The following LMX1B variants were observed in gnomAD, a reference collection of about 807,000 sequenced individuals.
LMX1B encodes LIM homeobox transcription factor 1 beta.
In LMX1B, 12 loss-of-function variants were observed where a neutral mutation model predicts 51.4. That is an observed-to-expected ratio of 0.23 (90% CI 0.15 to 0.38). The LOEUF (loss-of-function observed/expected upper bound fraction) is 0.38, where lower values mean the gene tolerates loss of function less well. Ranked by LOEUF, LMX1B falls within the 10% of genes least tolerant of loss-of-function variation. LMX1B has a pLI of 1.00. For synonymous variants in LMX1B, 237 were observed against 235.4 expected (o/e 1.01, Z -0.06); for missense variants, 445 against 571.1 (o/e 0.78, Z 2.25).
chr9:126,676,509 C>T (rs1185084015), intron 2 of LMX1B, among the ~76,000 whole-genome samples: 1 of 152,202 alleles, frequency 6.6e-6, no homozygotes, highest in Non-Finnish European at 1.5e-5. Flanking sequence ...GGGCTTGGGA[C>T]GTGCCCACCT....
chr9:126,644,506 G>A (rs779625521), intron 2 of LMX1B, among the ~76,000 whole-genome samples: 2 of 152,132 alleles, frequency 1.3e-5, no homozygotes, highest in Non-Finnish European at 2.9e-5. Flanking sequence ...GCAGCCTTAG[G>A]ACAGTTATCT....
intron 1 of LMX1B, among the ~76,000 whole-genome samples, chr9:126,614,956 C>T (rs2235056): frequency 0.1 from 15,702 of 152,108 alleles, 1,357 homozygotes; most frequent in East Asian, 0.44. Context: ...AAAAACGTCT[C>T]CCTGGTCACT....
chr9:126,621,548 G>A (rs958248941), intron 2 of LMX1B, among the ~76,000 whole-genome samples: 16 of 152,094 alleles, frequency 1.1e-4, no homozygotes, highest in African/African-American at 2.9e-4. Context: ...TTCATCGACC[G>A]GCTGGTGTTC....
In LMX1B at chr9:126,671,039, C is replaced by T. The variant is rs1836439852; in HGVS notation, c.327-19797C>T. ...GGGGAGTGCAGGACAGATACACAGC[C>T]AGGGGCCATGCCAGGTGGCAGAGAA... On this transcript the variant is annotated intron_variant, in intron 2 of 7. Transcript: ENST00000373474. This position sits in a 1 kb window ranked among gnomAD's most constrained non-coding sequence, Gnocchi z 4.4. Among the ~76,000 whole-genome samples, 1 of 152,138 alleles carries T rather than the reference C, an allele frequency of 6.6e-6. No homozygotes were observed. Among genetic ancestry groups the T allele is most frequent in the South Asian group, 2.1e-4 (1 of 4,822 alleles).
rs1215503048 is a variant in LMX1B, at chr9:126,644,672, C to T, written c.326+29103C>T. Among the ~76,000 whole-genome samples, 6 of 151,884 alleles carry T rather than the reference C, an allele frequency of 4.0e-5. No homozygotes were observed. In the East Asian group the frequency reaches 5.8e-4, roughly 15 times the overall value. On this transcript the variant is annotated intron_variant, in intron 2 of 7. Transcript: ENST00000373474. Reference sequence around the variant, plus strand: ...TAATGGCTTTGCCCTCTGGCTCAGCCGAGTGAGAACTCTACTTTGCCACTT... The same window carrying T: ...TAATGGCTTTGCCCTCTGGCTCAGCTGAGTGAGAACTCTACTTTGCCACTT...
rs931476380 is a variant in LMX1B at position 126,673,859 on chromosome 9, G to A, written c.327-16977G>A. Among the ~76,000 whole-genome samples, 5 of 152,194 alleles carry A rather than the reference G, an allele frequency of 3.3e-5. No homozygotes were observed. The highest frequency in any genetic ancestry group is 7.2e-5 in the African/African-American group (3 of 41,446). Reference sequence around the variant, plus strand: ...CCTGCCAGTGTGTGTGTGAGTGTGCGCCTGTGGCAGCAGCAGAGTAAACAG... The same window carrying A: ...CCTGCCAGTGTGTGTGTGAGTGTGCACCTGTGGCAGCAGCAGAGTAAACAG... On this transcript the variant is annotated intron_variant, in intron 2 of 7. Transcript: ENST00000373474. The surrounding 1 kb of genome is among the most constrained non-coding windows in gnomAD (Gnocchi z 4.4).
At chr9:126,649,393 C>T (rs1468669302) in intron 2 of LMX1B, among the ~76,000 whole-genome samples, 1 of 152,218 alleles carries the variant, frequency 6.6e-6, no homozygotes, top group African/African-American at 2.4e-5. Context: ...TGCTTTTCCT[C>T]CCTGCGTCCT....
chr9:126,645,263 C>G (rs955832784), intron 2 of LMX1B, among the ~76,000 whole-genome samples: 1 of 151,870 alleles, frequency 6.6e-6, no homozygotes, highest in African/African-American at 2.4e-5. Context: ...CTGGCAGACC[C>G]GTTCACTGGC....
chr9:126,623,196 A>AT (rs1259040622), intron 2 of LMX1B, among the ~76,000 whole-genome samples: 6 of 151,414 alleles, frequency 4.0e-5, no homozygotes, highest in Admixed American at 6.6e-5. Flanking sequence ...TTTTATTTTT[A>AT]TTTTTTTTCC....
chr9:126,627,206 C>CAGGG, intron 2 of LMX1B, among the ~76,000 whole-genome samples: 1 of 152,116 alleles, frequency 6.6e-6, no homozygotes, highest in African/African-American at 2.4e-5. Context: ...CTCCCCGTGG[C>CAGGG]CGGGTTACCC....
Position 126,700,195 on chromosome 9 carries a change from C to T in LMX1B, c.*3744C>T, listed in dbSNP as rs2030492611. ...GGAGGCCACACAGAGACACTGCTCA[C>T]AAGAGTCAGACCAAGGTGCCAGCAC... is the stretch of plus-strand genomic sequence containing the variant. On this transcript the variant is annotated 3_prime_UTR_variant, in exon 8 of 8. Transcript: ENST00000373474. 6.6e-6 allele frequency: 1 copy of T among 152,272 alleles called. No homozygotes were observed. The highest frequency in any genetic ancestry group is 1.5e-5 in the Non-Finnish European group (1 of 68,130). The allele number at this position is 152,272 out of a possible 1,614,324, so 9.4% of individuals were successfully genotyped here. A position where few individuals can be genotyped will look rare whatever the true frequency, so the allele number is the denominator to read the frequency against.
At chr9:126,691,176 C>A in intron 3 of LMX1B, 108 bp downstream of exon 3, 2 of 771,992 alleles carry the variant, frequency 2.6e-6, no homozygotes, top group Non-Finnish European at 4.3e-6. Context: ...AGGACCTGAG[C>A]TGCACACAGA....
chr9:126,650,172 G>A (rs1011629524), intron 2 of LMX1B, among the ~76,000 whole-genome samples: 2 of 152,194 alleles, frequency 1.3e-5, no homozygotes, highest in African/African-American at 4.8e-5. Flanking sequence ...TGAGCCCACT[G>A]AGGAGGGCTG....
rs1835352993 is a variant in LMX1B at position 126,618,839 on chromosome 9, G to C, written c.326+3270G>C. ...GAGTCCAAAAATCTGTCACAAAATG[G>C]AGTCTAATCGCTTGTAAGACAGCTC... On this transcript the variant is annotated intron_variant, in intron 2 of 7. Transcript: ENST00000373474. This position sits in a 1 kb window ranked among gnomAD's most constrained non-coding sequence, Gnocchi z 4.5. 6.6e-6 allele frequency among the ~76,000 whole-genome samples: 1 copy of C among 152,118 alleles called. No individual in the cohort carries two copies. The highest frequency in any genetic ancestry group is 1.5e-5 in the Non-Finnish European group (1 of 68,010).
At chr9:126,622,155 T>C (rs1167001886) in intron 2 of LMX1B, among the ~76,000 whole-genome samples, 2 of 152,114 alleles carry the variant, frequency 1.3e-5, no homozygotes, top group African/African-American at 4.8e-5. Flanking sequence ...TTGTCTCAAT[T>C]GGGAGCTTGG....
chr9:126,650,133 C>T (rs1003572846), intron 2 of LMX1B, among the ~76,000 whole-genome samples: 2 of 152,190 alleles, frequency 1.3e-5, no homozygotes, highest in Non-Finnish European at 2.9e-5. Flanking sequence ...AGCCTTTTGT[C>T]TCTGTTTGTC....
chr9:126,649,994 C>T lies in LMX1B; in HGVS notation c.326+34425C>T, dbSNP rs1040623511. Among the ~76,000 whole-genome samples, 5 of 152,302 alleles carry T rather than the reference C, an allele frequency of 3.3e-5. No individual in the cohort carries two copies. In the South Asian group the frequency reaches 6.2e-4, roughly 19 times the overall value. ...CAAACATCAGTTCCATCCCTGCTTG[C>T]GAAGCTTGGCACCTGCTGTGCCTGC... On this transcript the variant is annotated intron_variant, in intron 2 of 7. Transcript: ENST00000373474.
intron 2 of LMX1B, among the ~76,000 whole-genome samples, chr9:126,659,824 A>G (rs1477951263): frequency 6.9e-6 from 1 of 145,342 alleles, no homozygotes; most frequent in African/African-American, 2.6e-5. Context: ...GTGTCTACAC[A>G]GGCCTTGGAG....
Position 126,626,590 on chromosome 9 carries a change from T to G in LMX1B, c.326+11021T>G, listed in dbSNP as rs1249068007. Among the ~76,000 whole-genome samples, 1 of 152,168 alleles carries G rather than the reference T, an allele frequency of 6.6e-6. No individual in the cohort carries two copies. The highest frequency in any genetic ancestry group is 6.5e-5 in the Admixed American group (1 of 15,292). On this transcript the variant is annotated intron_variant, in intron 2 of 7. Coordinates refer to ENST00000373474, the MANE Select transcript of LMX1B (RefSeq NM_001174147.2). The surrounding 1 kb of genome is among the most constrained non-coding windows in gnomAD (Gnocchi z 4.3). ...TCCCGGCTCAGTCGGCAACCGGCCC[T>G]TCCTTCCAGGTCAGGGGTGGGGGAG... is the stretch of plus-strand genomic sequence containing the variant.
Sources: gnomAD v4.1 joint callset for allele counts (sites outside exome capture counted in the v4.1 genomes callset) on GRCh38, gnomAD v4.1.1 for gene constraint, Gnocchi (gnomAD v3.1) non-coding constraint, MANE v1.5 for transcripts, NCBI Gene and HGNC (gene_info 2026-07-23, HGNC 2026-07-21) for gene names.